Variants in BMPR2 observed in about 807,000 individuals in gnomAD.
BMPR2 encodes the protein bone morphogenetic protein receptor type-2.
Under a neutral mutation model 100.8 loss-of-function variants are expected in BMPR2, and 29 were observed. The observed-to-expected ratio is 0.29, with a 90% confidence interval of 0.21 to 0.39. The LOEUF is 0.39. Among genes scored for constraint, BMPR2 ranks in the 10% least tolerant of loss-of-function variants. The pLI is 1.00. For synonymous variants in BMPR2, 382 were observed against 442.3 expected (o/e 0.86, Z 1.71); for missense variants, 1,011 against 1,274.5 (o/e 0.79, Z 3.15).
intron 3 of BMPR2, among the ~76,000 whole-genome samples, chr2:202,496,741 C>T (rs1320995562): frequency 2.0e-5 from 3 of 152,260 alleles, no homozygotes; most frequent in African/African-American, 7.2e-5. Flanking sequence ...GAGGTGACAG[C>T]GTGCTGGCAG....
intron 1 of BMPR2, among the ~76,000 whole-genome samples, chr2:202,397,504 GT>G (rs11389726): frequency 3.1e-4 from 44 of 140,024 alleles, no homozygotes; most frequent in South Asian, 6.9e-4. Context: ...GTTTTTTTTT[GT>G]TTTTTTTTTT....
chr2:202,478,880 T>G (rs1024948169), intron 3 of BMPR2, among the ~76,000 whole-genome samples: 21 of 151,998 alleles, frequency 1.4e-4, no homozygotes, highest in African/African-American at 5.1e-4. Flanking sequence ...GAGCCATGAT[T>G]ACACCACTGC....
intron 10 of BMPR2, among the ~76,000 whole-genome samples, chr2:202,547,793 A>C (rs1485498737): frequency 7.3e-6 from 1 of 137,372 alleles, no homozygotes; most frequent in Admixed American, 7.4e-5. Flanking sequence ...AAAAAAAAAA[A>C]AAAAAAAAGG....
At chr2:202,426,805 G>A (rs1369831598) in intron 1 of BMPR2, among the ~76,000 whole-genome samples, 5 of 152,096 alleles carry the variant, frequency 3.3e-5, no homozygotes, top group Admixed American at 1.3e-4. Flanking sequence ...GTGACTGAGC[G>A]TGGGAGTTTG....
chr2:202,411,669 C>T (rs561425866), intron 1 of BMPR2, among the ~76,000 whole-genome samples: 3 of 152,182 alleles, frequency 2.0e-5, no homozygotes, highest in South Asian at 2.1e-4. Flanking sequence ...GCTTTCTATA[C>T]GTTTATTTAA....
Position 202,406,653 on chromosome 2 carries a change from T to A in BMPR2, c.76+29103T>A, listed in dbSNP as rs143019875. ...GCTGTAAGGGGAAACCATACAGAATTGAGCATCAATGAATAAATAAACCTC... is the reference window on the plus strand; with the variant it reads ...GCTGTAAGGGGAAACCATACAGAATAGAGCATCAATGAATAAATAAACCTC... On this transcript the variant is annotated intron_variant, in intron 1 of 12. Coordinates refer to ENST00000374580, the MANE Select transcript of BMPR2 (RefSeq NM_001204.7). 3.6e-4 allele frequency among the ~76,000 whole-genome samples: 55 copies of A among 152,336 alleles called. 1 individual carries two copies. The highest frequency in any genetic ancestry group is 8.5e-4 in the Admixed American group (13 of 15,300).
intron 1 of BMPR2, among the ~76,000 whole-genome samples, chr2:202,403,070 C>T (rs1001935186): frequency 2.0e-5 from 3 of 151,922 alleles, no homozygotes; most frequent in Non-Finnish European, 2.9e-5. Context: ...TCAGGTAATC[C>T]ACCCTCCTCG....
chr2:202,510,827 A>C (rs1559060302), intron 3 of BMPR2, among the ~76,000 whole-genome samples: 1 of 151,648 alleles, frequency 6.6e-6, no homozygotes, highest in Non-Finnish European at 1.5e-5. Flanking sequence ...ATTACAGGCA[A>C]GCGCCACCAT....
chr2:202,382,058 G>GTTTTTTTTT (rs1216592236), intron 1 of BMPR2, among the ~76,000 whole-genome samples: 11 of 113,638 alleles, frequency 9.7e-5, no homozygotes, highest in African/African-American at 1.3e-4. Context: ...TTTTGTTTTT[G>GTTTTTTTTT]TTTTTTTTTT....
At chr2:202,468,465 T>C (rs1692369914) in intron 3 of BMPR2, among the ~76,000 whole-genome samples, 1 of 152,284 alleles carries the variant, frequency 6.6e-6, no homozygotes, top group East Asian at 1.9e-4. Flanking sequence ...AGCGAGACTC[T>C]GTCTCAAAAT....
chr2:202,560,228 G>A lies in BMPR2; in HGVS notation c.*282G>A. ...GTTATATGTGTGTGTATCAAAAGTG[G>A]TCTCAAAATATTTTTTTAAGAAAAA... On this transcript the variant is annotated 3_prime_UTR_variant, in exon 13 of 13. Transcript: ENST00000374580. 2.7e-6 allele frequency: 1 copy of A among 368,468 alleles called. No homozygotes were observed. The highest frequency in any genetic ancestry group is 5.0e-6 in the Non-Finnish European group (1 of 200,812). The allele number at this position is 368,468 out of a possible 1,614,324, so 22.8% of individuals were successfully genotyped here.
chr2:202,541,849 C>G (rs1214965586), intron 9 of BMPR2, among the ~76,000 whole-genome samples: 2 of 152,258 alleles, frequency 1.3e-5, no homozygotes, highest in Non-Finnish European at 1.5e-5. Flanking sequence ...TGGTGGCTCA[C>G]GCCTGTAATC....
intron 3 of BMPR2, among the ~76,000 whole-genome samples, chr2:202,480,824 ATG>A (rs1240070581): frequency 6.6e-6 from 1 of 151,818 alleles, no homozygotes; most frequent in Non-Finnish European, 1.5e-5. Flanking sequence ...GCGTGGTGGC[ATG>A]TGCCTATAGT....
chr2:202,565,382 C>A lies in BMPR2; in HGVS notation c.*5436C>A, dbSNP rs1424428125. ...TTATATTTTCTTTTATATTCAAATTCATTACTCCAGTTAAGTAATAGTTTG... is the reference window on the plus strand; with the variant it reads ...TTATATTTTCTTTTATATTCAAATTAATTACTCCAGTTAAGTAATAGTTTG... On this transcript the variant is annotated 3_prime_UTR_variant, in exon 13 of 13. Transcript: ENST00000374580. 6.6e-6 allele frequency: 1 copy of A among 152,142 alleles called. No individual in the cohort carries two copies. The highest frequency in any genetic ancestry group is 1.5e-5 in the Non-Finnish European group (1 of 67,990). The allele number at this position is 152,142 out of a possible 1,614,324, so 9.4% of individuals were successfully genotyped here.
chr2:202,380,499 A>C (rs571760379), intron 1 of BMPR2, among the ~76,000 whole-genome samples: 1 of 152,112 alleles, frequency 6.6e-6, no homozygotes, highest in Non-Finnish European at 1.5e-5. Context: ...ATAAAAATGC[A>C]TATTTTTGGC....
chr2:202,392,893 G>A (rs1690578111), intron 1 of BMPR2, among the ~76,000 whole-genome samples: 1 of 151,626 alleles, frequency 6.6e-6, no homozygotes, highest in Non-Finnish European at 1.5e-5. Context: ...TTGGAAGGCT[G>A]AGGCAGGAGA....
intron 1 of BMPR2, among the ~76,000 whole-genome samples, chr2:202,460,383 G>A (rs1211733931): frequency 6.8e-6 from 1 of 147,440 alleles, no homozygotes; most frequent in Non-Finnish European, 1.5e-5. Flanking sequence ...AACTAAAAAA[G>A]CCCAGTGTTT....
intron 1 of BMPR2, among the ~76,000 whole-genome samples, chr2:202,459,091 A>G (rs1199713907): frequency 6.6e-6 from 1 of 151,708 alleles, no homozygotes; most frequent in Non-Finnish European, 1.5e-5. Flanking sequence ...GATTGAGTGC[A>G]CTCTCTTCTT....
Position 202,552,014 on chromosome 2 carries a change from C to T in BMPR2, c.1414-702C>T, listed in dbSNP as rs188784304. ...GGACTACAGGCGCATGCCACCACAC[C>T]CAGCTGATTTTTGTATTTTTAGTAG... On this transcript the variant is annotated intron_variant, in intron 10 of 12. Transcript: ENST00000374580. Among the ~76,000 whole-genome samples the T allele has an allele frequency of 3.3e-4, 50 of 152,184 alleles. 1 individual carries two copies. Among genetic ancestry groups the T allele is most frequent in the Admixed American group, 8.5e-4 (13 of 15,270 alleles).
Sources: allele counts gnomAD v4.1 joint callset (sites outside exome capture counted in the v4.1 genomes callset), GRCh38; gene constraint gnomAD v4.1.1; transcripts MANE v1.5; gene names NCBI Gene and HGNC (gene_info 2026-07-23, HGNC 2026-07-21).